Variants in DYNC2I2 observed in about 807,000 individuals in gnomAD.
DYNC2I2 encodes dynein 2 intermediate chain 2, also known as cytoplasmic dynein 2 intermediate chain 2.
A neutral mutation model predicts 52.0 loss-of-function variants in DYNC2I2; 39 were observed. That is an observed-to-expected ratio of 0.75 (90% CI 0.58 to 0.98). DYNC2I2 has a LOEUF of 0.98. Ranked by LOEUF, DYNC2I2 falls within the 50% of genes least tolerant of loss-of-function variation. The probability of loss-of-function intolerance (pLI) is 0.00; values close to 1 mark genes in which losing one functional copy is unlikely to be tolerated. For synonymous variants in DYNC2I2, 359 were observed against 321.1 expected (o/e 1.12, Z -1.26); for missense variants, 743 against 728.4 (o/e 1.02, Z -0.23).
chr9:128,635,361 C>A (rs555072430), intron 5 of DYNC2I2, 102 bp from the exon 6 acceptor site: 51 of 1,384,012 alleles, frequency 3.7e-5, no homozygotes, highest in Middle Eastern at 4.9e-4. Context: ...AAAAAAAATT[C>A]TCCGGGAGGC....
intron 1 of DYNC2I2, among the ~76,000 whole-genome samples, chr9:128,648,922 G>C (rs1274674196): frequency 1.3e-5 from 2 of 152,104 alleles, no homozygotes; most frequent in Admixed American, 6.6e-5. Context: ...ATGCAGCAGA[G>C]GCCTGCCAGG....
At position 128,651,886 on chromosome 9, in the gene DYNC2I2, GC is replaced by G. The variant is rs1860720683; in HGVS notation, c.186+4654del. 2.1e-5 allele frequency: 3 copies of G among 145,462 alleles called. 1 individual carries two copies. Among genetic ancestry groups the G allele is most frequent in the African/African-American group, 8.0e-5 (3 of 37,560 alleles). 9.0% of individuals were successfully genotyped at this position (145,462 alleles called of 1,614,324 possible). On this transcript the variant is annotated intron_variant, in intron 1 of 8. Coordinates refer to ENST00000372715, the MANE Select transcript of DYNC2I2 (RefSeq NM_052844.4). ...GCTGAGATAGCACCACTGCACTCCA[GC>G]CTGGGTGACTGAGTAAAACTTCATC...
At chr9:128,657,635 TC>T (rs1860857976), upstream of DYNC2I2, among the ~76,000 whole-genome samples, 1 of 151,940 alleles carries the variant, frequency 6.6e-6, no homozygotes, top group African/African-American at 2.4e-5. Context: ...AGAGCCCGTC[TC>T]TACAAAAAAA....
At chr9:128,660,798 C>T (rs898674827), upstream of DYNC2I2, among the ~76,000 whole-genome samples, 3 of 151,890 alleles carry the variant, frequency 2.0e-5, no homozygotes, top group South Asian at 2.1e-4. Context: ...GGCACAATCT[C>T]GGCTCATTGC....
chr9:128,637,019 A>G lies in DYNC2I2; in HGVS notation c.444T>C (p.Cys148=). 1.2e-6 allele frequency: 2 copies of G among 1,613,068 alleles called. No individual in the cohort carries two copies. The highest frequency in any genetic ancestry group is 1.7e-6 in the Non-Finnish European group (2 of 1,179,806). Residue 148 remains cysteine, a synonymous_variant, in exon 3 of 9, where the codon TGT becomes TGC. Coordinates refer to ENST00000372715, the MANE Select transcript of DYNC2I2 (RefSeq NM_052844.4). ...CTGGCGGGTAGCCCAGGGTATACAG[A>G]CAAGACACCTGCGGAGACGTCCCCA... The part of the protein sequence containing the change: ...NWTEQQQMVS[C]LYTLGYPPAQ...
the DYNC2I2 span, among the ~76,000 whole-genome samples, chr9:128,671,082 A>G: frequency 6.6e-6 from 1 of 151,434 alleles, no homozygotes. Flanking sequence ...AAAAAAAAAA[A>G]AAAGAAACAC....
chr9:128,680,235 A>AT, the DYNC2I2 span, among the ~76,000 whole-genome samples: 1 of 150,832 alleles, frequency 6.6e-6, no homozygotes, highest in Non-Finnish European at 1.5e-5. Context: ...TAATTTTTGT[A>AT]TTTTTAATAG....
At chr9:128,672,128 C>T in the DYNC2I2 span, among the ~76,000 whole-genome samples, 8 of 151,692 alleles carry the variant, frequency 5.3e-5, no homozygotes, top group East Asian at 9.7e-4. Context: ...CGCCCACCTG[C>T]ATGCTTGGCT....
chr9:128,666,722 G>A, the DYNC2I2 span, among the ~76,000 whole-genome samples: 2 of 149,160 alleles, frequency 1.3e-5, no homozygotes, highest in African/African-American at 5.0e-5. Flanking sequence ...TTGTGCCACT[G>A]CATTCCAACC....
chr9:128,634,198 A>G (rs554742695), intron 8 of DYNC2I2, 28 bp downstream of exon 8: 11 of 1,612,416 alleles, frequency 6.8e-6, no homozygotes, highest in South Asian at 3.3e-5. Flanking sequence ...CCCCTTAAAC[A>G]GATCCAGGCC....
At chr9:128,658,362 A>C (rs538885683), upstream of DYNC2I2, among the ~76,000 whole-genome samples, 1 of 151,748 alleles carries the variant, frequency 6.6e-6, no homozygotes, top group South Asian at 2.1e-4. Flanking sequence ...GAAGGGTTTC[A>C]CCATGTTGGC....
At chr9:128,676,274 G>A in the DYNC2I2 span, among the ~76,000 whole-genome samples, 1 of 152,128 alleles carries the variant, frequency 6.6e-6, no homozygotes, top group African/African-American at 2.4e-5. Context: ...TGGATCATCT[G>A]TGGTCAGGAG....
At chr9:128,660,127 G>C (rs183326781), upstream of DYNC2I2, among the ~76,000 whole-genome samples, 1 of 148,680 alleles carries the variant, frequency 6.7e-6, no homozygotes, top group East Asian at 2.0e-4. Context: ...TTTTATTTTT[G>C]AGACGGAGTC....
chr9:128,678,550 C>T, the DYNC2I2 span, among the ~76,000 whole-genome samples: 2 of 148,462 alleles, frequency 1.3e-5, no homozygotes, highest in Admixed American at 1.4e-4. Flanking sequence ...CAGCCTCCAC[C>T]TCCCAGGTTC....
chr9:128,671,181 C>G, the DYNC2I2 span, among the ~76,000 whole-genome samples: 1,151 of 151,876 alleles, frequency 7.6e-3, 15 homozygotes, highest in East Asian at 0.052. Context: ...GAGCACCTGT[C>G]CCAGCTACCA....
At chr9:128,675,952 G>C in the DYNC2I2 span, among the ~76,000 whole-genome samples, 5 of 152,108 alleles carry the variant, frequency 3.3e-5, no homozygotes, top group Non-Finnish European at 7.4e-5. Context: ...AGGATCACTT[G>C]AGTCTAGGAG....
chr9:128,660,442 TCTGTTGCCC>T (rs1860905276), upstream of DYNC2I2, among the ~76,000 whole-genome samples: 1 of 150,934 alleles, frequency 6.6e-6, no homozygotes, highest in African/African-American at 2.4e-5. Context: ...ACAGTCTTGT[TCTGTTGCCC>T]AGAGTGGACT....
rs1860352577 is a variant in DYNC2I2 at position 128,634,933 on chromosome 9, T to TGGC, written c.982-15_982-13dup. On this transcript the variant is annotated splice_polypyrimidine_tract_variant and intron_variant, in intron 6 of 8. Coordinates refer to ENST00000372715, the MANE Select transcript of DYNC2I2 (RefSeq NM_052844.4). ...TCCCCGCGGGGATGCTGTGGAGAAA[T>TGGC]GGCAGCAGCAGGGTCAGAGCCAAGG... 1 of 1,610,950 alleles carries TGGC rather than the reference T, an allele frequency of 6.2e-7. No homozygotes were observed.
Position 128,633,689 on chromosome 9 carries a change from G to C in DYNC2I2, c.*55C>G. 6.4e-7 allele frequency: 1 copy of C among 1,552,494 alleles called. No homozygotes were observed. On this transcript the variant is annotated 3_prime_UTR_variant, in exon 9 of 9. Transcript: ENST00000372715. The stretch of plus-strand genomic sequence containing the variant: ...CTTTGCTTTTCTTCATTTGGCTTGC[G>C]TCAGAAACACAAGGCTCGGCACAGC...
Sources: allele counts gnomAD v4.1 joint callset (sites outside exome capture counted in the v4.1 genomes callset), GRCh38; gene constraint gnomAD v4.1.1; transcripts MANE v1.5; gene names NCBI Gene and HGNC (gene_info 2026-07-23, HGNC 2026-07-21).